The following PCDH15 variants were observed in gnomAD, a reference collection of about 807,000 sequenced individuals.
PCDH15 encodes protocadherin related 15.
A neutral mutation model predicts 178.5 loss-of-function variants in PCDH15; 129 were observed. The ratio of observed to expected loss-of-function variants is 0.72; its 90% CI spans 0.63 to 0.84. The LOEUF is 0.84. Ranked by LOEUF, PCDH15 falls within the 40% of genes least tolerant of loss-of-function variation. The pLI is 0.00. For synonymous variants in PCDH15, 800 were observed against 732.0 expected (o/e 1.09, Z -1.50); for missense variants, 2,230 against 2,099.9 (o/e 1.06, Z -1.21).
At chr10:54,929,672 C>T (rs139375604) in intron 2 of PCDH15, among the ~76,000 whole-genome samples, 66 of 152,168 alleles carry the variant, frequency 4.3e-4, no homozygotes, top group Non-Finnish European at 8.7e-4. Context: ...TAGGAAGTTG[C>T]CAATAGTTTA....
At chr10:54,614,547 G>T (rs2093068125) in intron 2 of PCDH15, among the ~76,000 whole-genome samples, 1 of 151,938 alleles carries the variant, frequency 6.6e-6, no homozygotes, top group South Asian at 2.1e-4. Context: ...CAAAGTAACT[G>T]CAAAACTATA....
rs147435874 is a variant in PCDH15 at position 54,534,639 on chromosome 10, G to GAC, written c.92-6764_92-6763dup. Among the ~76,000 whole-genome samples, 31 of 151,982 alleles carry GAC rather than the reference G, an allele frequency of 2.0e-4. 1 individual carries two copies. Among genetic ancestry groups the GAC allele is most frequent in the South Asian group, 1.0e-3 (5 of 4,822 alleles). On this transcript the variant is annotated intron_variant, in intron 2 of 37. Transcript: ENST00000644397. Reference sequence around the variant, plus strand: ...TTGCTCATGTGTTTGTATTTACACAGACACACACACACACTGAATCTATTG... The same window carrying GAC: ...TTGCTCATGTGTTTGTATTTACACAGACACACACACACACACTGAATCTATTG...
At chr10:55,303,587 T>C (rs1843344804) in intron 1 of PCDH15, among the ~76,000 whole-genome samples, 1 of 152,174 alleles carries the variant, frequency 6.6e-6, no homozygotes, top group African/African-American at 2.4e-5. Context: ...TCCTTACTAG[T>C]TATAGGGCTA....
intron 23 of PCDH15, among the ~76,000 whole-genome samples, chr10:53,942,260 T>C (rs1053979905): frequency 8.0e-6 from 1 of 124,554 alleles, no homozygotes; most frequent in Non-Finnish European, 1.9e-5. Flanking sequence ...TTTACTAGTT[T>C]ATTTACTTAC....
chr10:54,661,860 A>G (rs1416702343), intron 2 of PCDH15, among the ~76,000 whole-genome samples: 1 of 152,054 alleles, frequency 6.6e-6, no homozygotes, highest in Non-Finnish European at 1.5e-5. Context: ...TAAATGCAGA[A>G]GAAAGAAACT....
chr10:54,059,435 T>C (rs1050747604), intron 18 of PCDH15, among the ~76,000 whole-genome samples: 12 of 152,206 alleles, frequency 7.9e-5, no homozygotes, highest in Non-Finnish European at 1.5e-4. Context: ...AGTAAATACA[T>C]AATACATAAA....
intron 2 of PCDH15, among the ~76,000 whole-genome samples, chr10:54,591,038 A>G (rs537861350): frequency 8.5e-4 from 130 of 152,284 alleles, no homozygotes; most frequent in Middle Eastern, 6.8e-3. Context: ...TTACTTATGC[A>G]TATATACCCA....
intron 1 of PCDH15, among the ~76,000 whole-genome samples, chr10:54,761,148 A>G (rs1947824249): frequency 6.6e-6 from 1 of 152,068 alleles, no homozygotes; most frequent in African/African-American, 2.4e-5. Context: ...ATGTTGGTAA[A>G]TATGATCACA....
chr10:55,215,441 C>T (rs1435911028), intron 1 of PCDH15, among the ~76,000 whole-genome samples: 1 of 152,070 alleles, frequency 6.6e-6, no homozygotes, highest in East Asian at 1.9e-4. Flanking sequence ...TTATCTTTCA[C>T]AATTCTACAT....
chr10:55,608,821 C>G (rs2132156991), intron 2 of PCDH15, among the ~76,000 whole-genome samples: 1 of 152,020 alleles, frequency 6.6e-6, no homozygotes, highest in Non-Finnish European at 1.5e-5. Context: ...AAGAAAGGGC[C>G]TGGCATTTCA....
chr10:54,171,532 T>TCTCAACTA (rs201135971), intron 13 of PCDH15, among the ~76,000 whole-genome samples: 14,111 of 151,884 alleles, frequency 0.093, 1,264 homozygotes, highest in African/African-American at 0.24. Flanking sequence ...TATTCACCGT[T>TCTCAACTA]CTCAACTACT....
chr10:54,072,689 G>A (rs2094267761), intron 17 of PCDH15, among the ~76,000 whole-genome samples: 1 of 152,098 alleles, frequency 6.6e-6, no homozygotes, highest in Non-Finnish European at 1.5e-5. Context: ...AAATTTGGGT[G>A]AAATAATCAC....
intron 3 of PCDH15, among the ~76,000 whole-genome samples, chr10:54,403,854 C>A (rs1260980732): frequency 1.3e-5 from 2 of 151,414 alleles, no homozygotes; most frequent in Non-Finnish European, 1.5e-5. Flanking sequence ...CACACTCACA[C>A]ACACACACAC....
At chr10:54,001,791 A>T (rs1056119104) in intron 20 of PCDH15, among the ~76,000 whole-genome samples, 5 of 152,058 alleles carry the variant, frequency 3.3e-5, no homozygotes, top group Non-Finnish European at 4.4e-5. Flanking sequence ...GAACGGATTA[A>T]AGAAAAAAAA....
At chr10:54,028,591 T>A (rs1277843701) in intron 18 of PCDH15, among the ~76,000 whole-genome samples, 2 of 148,998 alleles carry the variant, frequency 1.3e-5, no homozygotes, top group Non-Finnish European at 3.0e-5. Context: ...ATATACACCA[T>A]GGAATACTAT....
chr10:54,220,404 T>A (rs1591256265), intron 9 of PCDH15, among the ~76,000 whole-genome samples: 1 of 152,150 alleles, frequency 6.6e-6, no homozygotes, highest in African/African-American at 2.4e-5. Context: ...GAAGTCAAGG[T>A]ATCTAAATTC....
chr10:53,892,270 C>A (rs1266334510), intron 26 of PCDH15, among the ~76,000 whole-genome samples: 1 of 152,002 alleles, frequency 6.6e-6, no homozygotes, highest in Non-Finnish European at 1.5e-5. Flanking sequence ...CGTGATCCAC[C>A]CGCCCCGGCC....
chr10:54,300,449 C>T (rs911272836), intron 8 of PCDH15, among the ~76,000 whole-genome samples: 3 of 152,164 alleles, frequency 2.0e-5, no homozygotes, highest in East Asian at 1.9e-4. Flanking sequence ...CAACTTCTAC[C>T]GAGGATCCCT....
chr10:55,549,007 C>A (rs1413665), intron 2 of PCDH15, among the ~76,000 whole-genome samples: 51,554 of 151,966 alleles, frequency 0.34, 9,059 homozygotes, highest in East Asian at 0.5. Context: ...AGTACCAAAG[C>A]AGCCACAAAT....
Sources: allele counts gnomAD v4.1 joint callset (sites outside exome capture counted in the v4.1 genomes callset), GRCh38; gene constraint gnomAD v4.1.1; transcripts MANE v1.5; gene names NCBI Gene and HGNC (gene_info 2026-07-23, HGNC 2026-07-21).